ADPGK: variants seen among roughly 807,000 people sequenced by gnomAD.
ADPGK encodes the protein ADP dependent glucokinase, also known as ADP-dependent glucokinase.
In ADPGK, 26 loss-of-function variants were observed where a neutral mutation model predicts 42.4. The observed-to-expected ratio is 0.61, with a 90% CI of 0.45 to 0.85. The LOEUF (loss-of-function observed/expected upper bound fraction) is 0.85. ADPGK is among the 40% of genes least tolerant of loss of function. The pLI, the probability that ADPGK is intolerant of heterozygous loss-of-function variation, is 0.00. For missense variants in ADPGK, 571 were observed against 627.0 expected (o/e 0.91, Z 0.95); for synonymous variants, 267 against 252.6 (o/e 1.06, Z -0.54).
intron 4 of ADPGK, chr15:72,758,228 G>A (rs958779687): frequency 1.8e-6 from 2 of 1,085,204 alleles, no homozygotes; most frequent in Non-Finnish European, 1.4e-6. Flanking sequence ...GATGCAAATG[G>A]ATCTAATTCT....
At position 72,774,831 on chromosome 15, in the gene ADPGK, C is replaced by A. The variant is rs755019467; in HGVS notation, c.459+41G>T. The A allele has an allele frequency of 1.1e-5, 17 of 1,556,146 alleles. No individual in the cohort carries two copies. The Admixed American group carries it at 2.2e-4, about 20-fold the overall frequency. Reference sequence around the variant, plus strand: ...TCTAGGAACCATATTAAAAAGGCATCTTTTTCCACCCTTAATTTACTATTG... The same window carrying A: ...TCTAGGAACCATATTAAAAAGGCATATTTTTCCACCCTTAATTTACTATTG... On this transcript the variant is annotated intron_variant, in intron 2 of 6. Coordinates refer to ENST00000456471, the MANE Select transcript of ADPGK (RefSeq NM_001365225.1).
chr15:72,752,413 A>C lies in ADPGK; in HGVS notation c.1422T>G (p.Ile474Met). The change falls in exon 7 of 7, where the codon ATT becomes ATG. Residue 474 changes from isoleucine to methionine, a missense_variant. Coordinates refer to ENST00000456471, the MANE Select transcript of ADPGK (RefSeq NM_001365225.1). ...TGGCATCTCCAAGGCCTACAGTTCG[A>C]ATGGGGTCTTTACACACCAATACTG... ...FTPVLVCKDP[I>M]RTVGLGDAIS... The C allele has an allele frequency of 2.5e-6, 4 of 1,614,178 alleles. No homozygotes were observed. The highest frequency in any genetic ancestry group is 1.7e-5 in the Admixed American group (1 of 60,024).
rs118120456 is a variant in ADPGK, at chr15:72,770,074, A to G, written c.522+1709T>C. On this transcript the variant is annotated intron_variant, in intron 3 of 6. Coordinates refer to ENST00000456471, the MANE Select transcript of ADPGK (RefSeq NM_001365225.1). Reference sequence around the variant, plus strand: ...GATCTCTCAGTCCATGTTGAGAAGCATTTCAGAAAGTTAAACTGAGTCTCT... The same window carrying G: ...GATCTCTCAGTCCATGTTGAGAAGCGTTTCAGAAAGTTAAACTGAGTCTCT... Among the ~76,000 whole-genome samples the G allele has an allele frequency of 7.8e-3, 1,195 of 152,354 alleles. 14 individuals are homozygous for G. The highest frequency in any genetic ancestry group is 0.01 in the Non-Finnish European group (681 of 68,026).
chr15:72,756,592 A>C, intron 4 of ADPGK, 145 bp from the exon 5 acceptor site: 1 of 816,706 alleles, frequency 1.2e-6, no homozygotes, highest in Non-Finnish European at 1.9e-6. Flanking sequence ...ACAATGGCCT[A>C]AGGTCAGCAT....
At chr15:72,776,446 G>A (rs140834803) in intron 1 of ADPGK, among the ~76,000 whole-genome samples, 1 of 152,138 alleles carries the variant, frequency 6.6e-6, no homozygotes, top group Admixed American at 6.5e-5. Context: ...ATTCTGAGCA[G>A]CTCTGAAACC....
chr15:72,774,796 C>T (rs2066370138), intron 2 of ADPGK, 76 bp downstream of exon 2: 2 of 1,361,306 alleles, frequency 1.5e-6, no homozygotes, highest in Admixed American at 2.1e-5. Context: ...TGAAAAGTTG[C>T]TTGCTTGCTT....
intron 3 of ADPGK, among the ~76,000 whole-genome samples, chr15:72,767,864 G>A (rs988281492): frequency 1.5e-4 from 23 of 152,100 alleles, no homozygotes; most frequent in Non-Finnish European, 3.4e-4. Context: ...AACAGGAAAG[G>A]TCTCAAATCA....
intron 3 of ADPGK, among the ~76,000 whole-genome samples, chr15:72,766,214 C>T (rs575229856): frequency 1.3e-5 from 2 of 152,048 alleles, no homozygotes; most frequent in Non-Finnish European, 2.9e-5. Flanking sequence ...TCAAGTGATC[C>T]TCCTGCCTCA....
At chr15:72,780,117 C>G (rs1446211420) in intron 1 of ADPGK, among the ~76,000 whole-genome samples, 1 of 152,158 alleles carries the variant, frequency 6.6e-6, no homozygotes, top group African/African-American at 2.4e-5. Context: ...AAAGTTGTTG[C>G]ATTAGTCAAT....
At chr15:72,778,828 C>A (rs992937123) in intron 1 of ADPGK, among the ~76,000 whole-genome samples, 1 of 152,094 alleles carries the variant, frequency 6.6e-6, no homozygotes, top group South Asian at 2.1e-4. Context: ...GGCAGTGGTC[C>A]CTGTGCTGAA....
chr15:72,776,662 T>C (rs901946615), intron 1 of ADPGK, among the ~76,000 whole-genome samples: 2 of 152,220 alleles, frequency 1.3e-5, no homozygotes, highest in Non-Finnish European at 2.9e-5. Context: ...AAGGTTTGTA[T>C]GCAGACTAGA....
intron 1 of ADPGK, among the ~76,000 whole-genome samples, chr15:72,775,930 G>A (rs923098004): frequency 6.6e-6 from 1 of 152,130 alleles, no homozygotes; most frequent in African/African-American, 2.4e-5. Context: ...GAGATATCTT[G>A]GGAATGCAAC....
At chr15:72,770,847 C>T (rs942250052) in intron 3 of ADPGK, among the ~76,000 whole-genome samples, 1 of 152,088 alleles carries the variant, frequency 6.6e-6, no homozygotes, top group Non-Finnish European at 1.5e-5. Flanking sequence ...ATGACCTATC[C>T]GTATTTCTGA....
intron 1 of ADPGK, among the ~76,000 whole-genome samples, chr15:72,781,504 T>C (rs891517466): frequency 9.9e-5 from 15 of 152,232 alleles, no homozygotes; most frequent in African/African-American, 3.4e-4. Flanking sequence ...GTGTCTGTCC[T>C]ATGAAAGTCA....
intron 1 of ADPGK, among the ~76,000 whole-genome samples, chr15:72,781,198 A>C (rs1408432020): frequency 1.3e-5 from 2 of 152,196 alleles, no homozygotes; most frequent in South Asian, 4.1e-4. Flanking sequence ...AGAAGCAGTG[A>C]AACAGTTTAG....
At chr15:72,764,868 T>G (rs994651522) in intron 3 of ADPGK, among the ~76,000 whole-genome samples, 44 of 152,242 alleles carry the variant, frequency 2.9e-4, no homozygotes, top group African/African-American at 7.7e-4. Flanking sequence ...TGAAAAATCC[T>G]AGGATTCTTA....
Position 72,765,137 on chromosome 15 carries a change from A to G in ADPGK, c.523-4610T>C, listed in dbSNP as rs376243875. Among the ~76,000 whole-genome samples the G allele has an allele frequency of 2.2e-4, 33 of 152,262 alleles. No homozygotes were observed. In the East Asian group the frequency reaches 2.7e-3, roughly 12 times the overall value. On this transcript the variant is annotated intron_variant, in intron 3 of 6. Transcript: ENST00000456471. Reference sequence around the variant, plus strand: ...GCAACATCCATTCTGCAACCCATAAATTAAGAAGTTATTTTGACTTTTTTT... The same window carrying G: ...GCAACATCCATTCTGCAACCCATAAGTTAAGAAGTTATTTTGACTTTTTTT...
At chr15:72,778,446 A>C (rs955658566) in intron 1 of ADPGK, among the ~76,000 whole-genome samples, 4 of 152,190 alleles carry the variant, frequency 2.6e-5, no homozygotes, top group African/African-American at 9.7e-5. Context: ...AGACACAGTT[A>C]AAGAATCAGA....
At chr15:72,766,147 C>G (rs2066255496) in intron 3 of ADPGK, among the ~76,000 whole-genome samples, 1 of 152,080 alleles carries the variant, frequency 6.6e-6, no homozygotes, top group South Asian at 2.1e-4. Context: ...GCCACCATGC[C>G]TAGCTAATTA....
Sources: allele counts gnomAD v4.1 joint callset (sites outside exome capture counted in the v4.1 genomes callset), GRCh38; gene constraint gnomAD v4.1.1; transcripts MANE v1.5; gene names NCBI Gene and HGNC (gene_info 2026-07-23, HGNC 2026-07-21).